FLT4: variants seen among roughly 807,000 people sequenced by gnomAD.
FLT4 encodes the protein vascular endothelial growth factor receptor 3.
Under a neutral mutation model 163.2 loss-of-function variants are expected in FLT4, and 30 were observed. That is an observed-to-expected ratio of 0.18 (90% CI 0.14 to 0.25). The LOEUF (loss-of-function observed/expected upper bound fraction) is 0.25. Ranked by LOEUF, FLT4 falls within the 10% of genes least tolerant of loss-of-function variation. The pLI is 1.00. For missense variants in FLT4, 1,510 were observed against 1,863.8 expected, an observed-to-expected ratio of 0.81 and a Z score of 3.50; for synonymous variants, 884 against 789.5, an observed-to-expected ratio of 1.12 and a Z score of -2.01.
chr5:180,625,500 C>A (rs994332408), intron 10 of FLT4, among the ~76,000 whole-genome samples: 6 of 152,222 alleles, frequency 3.9e-5, no homozygotes, highest in African/African-American at 1.2e-4. Flanking sequence ...GACACCCCCC[C>A]AGGTCCCCAC....
In FLT4 at chr5:180,620,628, A is replaced by G; in HGVS notation, c.2387T>C (p.Ile796Thr). Residue 796 changes from isoleucine to threonine, a missense_variant, in exon 16 of 30, where the codon ATC becomes ACC. Around this residue, in one of 5 missense-constraint regions of FLT4, gnomAD observed 878 missense variants for 1,016.7 expected, o/e 0.86. Transcript: ENST00000261937. This position sits in a 1 kb window ranked among gnomAD's most constrained non-coding sequence, Gnocchi z 4.4. The stretch of plus-strand genomic sequence containing the variant: ...ACTCACCCTCCTCATGTTACAGAAG[A>G]TGAGGAGGAGGAGGACCCAGAAGAA... Reference protein sequence around the residue: ...AVFFWVLLLLIFCNMRRPAHA... With the variant: ...AVFFWVLLLLTFCNMRRPAHA... 1.9e-6 allele frequency: 3 copies of G among 1,612,568 alleles called. No individual in the cohort carries two copies. The highest frequency in any genetic ancestry group is 2.5e-6 in the Non-Finnish European group (3 of 1,179,252).
intron 29 of FLT4, among the ~76,000 whole-genome samples, 193 bp from the exon 30 acceptor site, chr5:180,603,583 AC>A (rs1297816149): frequency 1.3e-5 from 2 of 152,120 alleles, no homozygotes; most frequent in African/African-American, 4.8e-5. Context: ...ATGGTGGTGC[AC>A]GCCTGCGGTC....
In FLT4 at chr5:180,620,544, T is replaced by C; in HGVS notation, c.2406+65A>G. On this transcript the variant is annotated intron_variant, in intron 16 of 29. Coordinates refer to ENST00000261937, the MANE Select transcript of FLT4 (RefSeq NM_182925.5). The surrounding 1 kb of genome is among the most constrained non-coding windows in gnomAD (Gnocchi z 4.4). ...TAGGGCGGGCACCTTATTCTTTATC[T>C]TAGGGGCGGCCAGGGTGGGGAAGGC... 1 of 1,355,178 alleles carries C rather than the reference T, an allele frequency of 7.4e-7. No individual in the cohort carries two copies. Among genetic ancestry groups the C allele is most frequent in the Non-Finnish European group, 1.1e-6 (1 of 950,758 alleles). 83.9% of individuals were successfully genotyped at this position (1,355,178 alleles called of 1,614,324 possible).
chr5:180,640,785 A>G (rs543721434), intron 1 of FLT4, among the ~76,000 whole-genome samples: 30 of 152,240 alleles, frequency 2.0e-4, no homozygotes, highest in African/African-American at 6.5e-4. Flanking sequence ...TACAGAACCC[A>G]TATTTTCTCA....
chr5:180,619,195 C>T, intron 19 of FLT4, 58 bp downstream of exon 19: 1 of 1,350,096 alleles, frequency 7.4e-7, no homozygotes, highest in Non-Finnish European at 9.6e-7. Flanking sequence ...CGCCCCCTCC[C>T]GCCCGCGGCG....
At chr5:180,650,203 G>GT (rs1765671191), upstream of FLT4, among the ~76,000 whole-genome samples, 1 of 144,142 alleles carries the variant, frequency 6.9e-6, no homozygotes, top group Non-Finnish European at 1.5e-5. Flanking sequence ...AACAAAACCC[G>GT]TTCAGCAGTG....
At position 180,627,588 on chromosome 5, in the gene FLT4, A is replaced by G. The variant is rs562982217; in HGVS notation, c.1103+1294T>C. On this transcript the variant is annotated intron_variant, in intron 8 of 29. Coordinates refer to ENST00000261937, the MANE Select transcript of FLT4 (RefSeq NM_182925.5). ...CACCCAGTCAGTGCTCGCCATCGTCATGTGCTGGTGCCATAGGAAGGGTGG... is the reference window on the plus strand; with the variant it reads ...CACCCAGTCAGTGCTCGCCATCGTCGTGTGCTGGTGCCATAGGAAGGGTGG... Among the ~76,000 whole-genome samples, 5 of 152,276 alleles carry G rather than the reference A, an allele frequency of 3.3e-5. No homozygotes were observed. The South Asian group carries it at 6.2e-4, about 19-fold the overall frequency.
In FLT4 at chr5:180,620,964, G is replaced by A. The variant is rs1297285649; in HGVS notation, c.2211C>T (p.Arg737=). 5.6e-6 allele frequency: 9 copies of A among 1,610,724 alleles called. No individual in the cohort carries two copies. The highest frequency in any genetic ancestry group is 6.8e-6 in the Non-Finnish European group (8 of 1,178,734). Residue 737 remains arginine (R), a synonymous_variant, in exon 15 of 30, where the codon CGC becomes CGT. Coordinates refer to ENST00000261937, the MANE Select transcript of FLT4 (RefSeq NM_182925.5). This position sits in a 1 kb window ranked among gnomAD's most constrained non-coding sequence, Gnocchi z 4.4. ...AGCGTCCCGCATCCTCCTCGCGCAC[G>A]CGCTGGATGCTCAGCTTCTGGTTGG... ...ADSNQKLSIQ[R]VREEDAGRYL... is the part of the protein sequence containing the mutation.
intron 1 of FLT4, among the ~76,000 whole-genome samples, chr5:180,642,724 C>G (rs1362551609): frequency 6.6e-6 from 1 of 152,202 alleles, no homozygotes; most frequent in African/African-American, 2.4e-5. Context: ...CAACTGTGCA[C>G]CCGCCAGAGG....
intron 8 of FLT4, among the ~76,000 whole-genome samples, chr5:180,628,402 G>A (rs1474998690): frequency 6.6e-6 from 1 of 152,220 alleles, no homozygotes; most frequent in African/African-American, 2.4e-5. Context: ...CGGCCTCCTG[G>A]AAGCTCTCTC....
intron 29 of FLT4, among the ~76,000 whole-genome samples, chr5:180,603,789 A>T (rs1478502571): frequency 6.6e-6 from 1 of 152,124 alleles, no homozygotes; most frequent in Non-Finnish European, 1.5e-5. Flanking sequence ...CTGTAGTCCC[A>T]GCTACTCGGG....
chr5:180,631,556 G>A lies in FLT4; in HGVS notation c.155+126C>T, dbSNP rs565068346. 8.1e-4 allele frequency: 614 copies of A among 760,668 alleles called. 7 individuals carry two copies. The East Asian group carries it at 0.015, about 19-fold the overall frequency. The allele number at this position is 760,668 out of a possible 1,614,324, so 47.1% of individuals were successfully genotyped here. A position where few individuals can be genotyped will look rare whatever the true frequency, so the allele number is the denominator to read the frequency against. The stretch of plus-strand genomic sequence containing the variant: ...TCACCCACAGCCTGGGAGACCACAC[G>A]GCCCCGAGGCCACTCTGCCCTGACT... On this transcript the variant is annotated intron_variant, in intron 2 of 29. Coordinates refer to ENST00000261937, the MANE Select transcript of FLT4 (RefSeq NM_182925.5).
Position 180,628,936 on chromosome 5 carries a change from T to A in FLT4, c.1049A>T (p.Glu350Val), listed in dbSNP as rs111916034. 7.7e-4 allele frequency: 1,236 copies of A among 1,612,714 alleles called. 7 individuals are homozygous for A. In the African/African-American group the frequency reaches 0.014, roughly 18 times the overall value. The change falls in exon 8 of 30, where the codon GAG (glutamate) becomes GTG (valine). Residue 350 changes from glutamate to valine, a missense_variant. Physicochemically the swap from Glu to Val is moderately radical, Grantham distance 121. This residue lies in a region of FLT4 where 878 missense variants were observed against 1,016.7 expected (regional missense o/e 0.86). Transcript: ENST00000261937. ...GPILEATAGD[E>V]LVKLPVKLAA... ...CAGCTTCACGGGCAGCTTCACCAGC[T>A]CGTCTCCTGCCGTGGCCTCCAGGAT...
At chr5:180,632,977 C>T (rs1482487892) in intron 1 of FLT4, among the ~76,000 whole-genome samples, 2 of 152,042 alleles carry the variant, frequency 1.3e-5, no homozygotes, top group Non-Finnish European at 2.9e-5. Context: ...GGGGCACAGC[C>T]CACTCTTCTG....
At position 180,626,135 on chromosome 5, in the gene FLT4, T is replaced by A. The variant is rs765858044; in HGVS notation, c.1234A>T (p.Ile412Phe). ...WNSAAGLRRN[I>F]SLELVVNVPP... Reference sequence around the variant, plus strand: ...CCATTCACCACCAGCTCCAGGCTGATGTTGCGCCTCAGGCCAGCAGCGGAG... The same window carrying A: ...CCATTCACCACCAGCTCCAGGCTGAAGTTGCGCCTCAGGCCAGCAGCGGAG... Residue 412 changes from isoleucine to phenylalanine, a missense_variant, in exon 9 of 30, where the codon ATC becomes TTC. Ile to Phe is a conservative substitution (Grantham distance 21, BLOSUM62 0). This residue lies in a region of FLT4 where 878 missense variants were observed against 1,016.7 expected (regional missense o/e 0.86). Coordinates refer to ENST00000261937, the MANE Select transcript of FLT4 (RefSeq NM_182925.5). The A allele has an allele frequency of 6.2e-7, 1 of 1,612,732 alleles. No individual in the cohort carries two copies. The highest frequency in any genetic ancestry group is 8.5e-7 in the Non-Finnish European group (1 of 1,180,012).
intron 1 of FLT4, among the ~76,000 whole-genome samples, chr5:180,643,025 C>T (rs73812638): frequency 0.039 from 6,016 of 152,342 alleles, 170 homozygotes; most frequent in South Asian, 0.12. Context: ...TTCCAAAACA[C>T]ATGACCGTTA....
intron 1 of FLT4, among the ~76,000 whole-genome samples, chr5:180,634,120 C>T (rs35633012): frequency 0.26 from 38,969 of 152,162 alleles, 5,664 homozygotes; most frequent in East Asian, 0.51. Context: ...TGGACCTCCT[C>T]CTCCCATCCT....
chr5:180,647,180 G>T (rs1765529560), intron 1 of FLT4, among the ~76,000 whole-genome samples: 1 of 152,198 alleles, frequency 6.6e-6, no homozygotes, highest in Non-Finnish European at 1.5e-5. Flanking sequence ...GGTAGCCACA[G>T]TGCAGAGGTG....
intron 1 of FLT4, 30 bp from the exon 2 acceptor site, chr5:180,631,808 C>G (rs371005297): frequency 6.6e-7 from 1 of 1,512,296 alleles, no homozygotes; most frequent in South Asian, 1.1e-5. Flanking sequence ...CAGCGTGGTG[C>G]TGGGCTGTGA....
Sources: gnomAD v4.1 joint callset for allele counts (sites outside exome capture counted in the v4.1 genomes callset) on GRCh38, gnomAD v4.1.1 for gene constraint, gnomAD v4.1.1 regional missense constraint, Gnocchi (gnomAD v3.1) non-coding constraint, MANE v1.5 for transcripts, NCBI Gene and HGNC (gene_info 2026-07-23, HGNC 2026-07-21) for gene names.